Variants in NT5M observed in about 807,000 individuals in gnomAD.
The protein encoded by NT5M is 5',3'-nucleotidase, mitochondrial, also known as 5'(3')-deoxyribonucleotidase, mitochondrial.
A neutral mutation model predicts 22.2 loss-of-function variants in NT5M; 22 were observed. That is an observed-to-expected ratio of 0.99 (90% CI 0.71 to 1.41). The LOEUF (loss-of-function observed/expected upper bound fraction) is 1.41. Ranked by LOEUF, NT5M falls within the 40% of genes most tolerant of loss-of-function variation. NT5M has a pLI of 0.00. For missense variants in NT5M, 322 were observed against 314.8 expected, an observed-to-expected ratio of 1.02 and a Z score of -0.17; for synonymous variants, 167 against 133.0, an observed-to-expected ratio of 1.26 and a Z score of -1.76.
In NT5M at chr17:17,306,624, G is replaced by A. The variant is rs1426271250; in HGVS notation, c.349G>A (p.Glu117Lys). ...PLPGAVEAVK[E>K]MASLQNTDVF... ...GCCAGGGGCCGTGGAAGCTGTCAAG[G>A]AGATGGCCAGCCTACAAAAGTAAGT... Residue 117 changes from glutamate to lysine, a missense_variant, in exon 2 of 5, where the codon GAG becomes AAG. Glu to Lys is a moderately conservative substitution (Grantham distance 56). Coordinates refer to ENST00000389022, the MANE Select transcript of NT5M (RefSeq NM_020201.4). 6 of 1,613,566 alleles carry A rather than the reference G, an allele frequency of 3.7e-6. No individual in the cohort carries two copies. In the East Asian group the frequency reaches 8.9e-5, roughly 24 times the overall value.
intron 2 of NT5M, among the ~76,000 whole-genome samples, chr17:17,308,840 G>A (rs1374278346): frequency 2.0e-5 from 3 of 152,104 alleles, no homozygotes; most frequent in Non-Finnish European, 2.9e-5. Flanking sequence ...CATATAAATG[G>A]CATCATATAA....
intron 2 of NT5M, among the ~76,000 whole-genome samples, chr17:17,321,228 G>A (rs538717534): frequency 6.6e-6 from 1 of 152,208 alleles, no homozygotes; most frequent in South Asian, 2.1e-4. Flanking sequence ...GCATTCGGGA[G>A]GTGCCAGCAT....
chr17:17,306,817 C>A (rs1196672734), intron 2 of NT5M, among the ~76,000 whole-genome samples, 174 bp downstream of exon 2: 1 of 152,212 alleles, frequency 6.6e-6, no homozygotes, highest in Non-Finnish European at 1.5e-5. Context: ...ATACAATGAT[C>A]TCGGTTTGTA....
In NT5M at chr17:17,319,978, G is replaced by A. The variant is rs143856206; in HGVS notation, c.369-3207G>A. 2.4e-3 allele frequency among the ~76,000 whole-genome samples: 365 copies of A among 152,264 alleles called. 2 individuals carry two copies. Among genetic ancestry groups the A allele is most frequent in the Non-Finnish European group, 4.2e-3 (285 of 68,008 alleles). On this transcript the variant is annotated intron_variant, in intron 2 of 4. Coordinates refer to ENST00000389022, the MANE Select transcript of NT5M (RefSeq NM_020201.4). Reference sequence around the variant, plus strand: ...CTGCCTCAGCCTCCCGAGTAGCTGGGACTACAGGTGCTCATCACCACGTCC... The same window carrying A: ...CTGCCTCAGCCTCCCGAGTAGCTGGAACTACAGGTGCTCATCACCACGTCC...
chr17:17,344,669 CA>C (rs2142387590), intron 3 of NT5M, 124 bp from the exon 4 acceptor site: 3 of 1,187,168 alleles, frequency 2.5e-6, no homozygotes, highest in Non-Finnish European at 2.4e-6. Flanking sequence ...GCCTTGGTGT[CA>C]GGCCTCCATC....
At position 17,346,810 on chromosome 17, in the gene NT5M, G is replaced by A. The variant is rs373627393; in HGVS notation, c.550G>A (p.Glu184Lys). Residue 184 changes from glutamate to lysine, a missense_variant, in exon 5 of 5, where the codon GAG (glutamate) becomes AAG (lysine). Coordinates refer to ENST00000389022, the MANE Select transcript of NT5M (RefSeq NM_020201.4). ...TGCCGCTTTCCCACCCACAGGGGCC[G>A]AGCCAACCCCCAGCTGGGAGCATGT... ...IDDRPDITGAEPTPSWEHVLF... is the reference protein window; with the variant it reads ...IDDRPDITGAKPTPSWEHVLF... 38 of 1,607,164 alleles carry A rather than the reference G, an allele frequency of 2.4e-5. No homozygotes were observed. The African/African-American group carries it at 3.7e-4, about 16-fold the overall frequency.
Position 17,303,402 on chromosome 17 carries a change from C to G in NT5M, c.-149C>G, listed in dbSNP as rs111471616. On this transcript the variant is annotated 5_prime_UTR_variant, in exon 1 of 5. Coordinates refer to ENST00000389022, the MANE Select transcript of NT5M (RefSeq NM_020201.4). ...TGGGGCCGGTACTTGCGCGCCCGCA[C>G]CCCGCGCTCCCCGCCCCGCTCCCCG... 0.046 allele frequency: 43,469 copies of G among 942,124 alleles called. 1,074 individuals are homozygous for G. The highest frequency in any genetic ancestry group is 0.089 in the South Asian group (1,805 of 20,268). The allele number at this position is 942,124 out of a possible 1,614,324, so 58.4% of individuals were successfully genotyped here. A position where few individuals can be genotyped will look rare whatever the true frequency, so the allele number is the denominator to read the frequency against.
At position 17,306,747 on chromosome 17, in the gene NT5M, C is replaced by T. The variant is rs925606287; in HGVS notation, c.368+104C>T. 2.8e-5 allele frequency: 23 copies of T among 824,412 alleles called. No individual in the cohort carries two copies. The Admixed American group carries it at 4.6e-4, about 17-fold the overall frequency. 51.1% of individuals were successfully genotyped at this position (824,412 alleles called of 1,614,324 possible). On this transcript the variant is annotated intron_variant, in intron 2 of 4. Coordinates refer to ENST00000389022, the MANE Select transcript of NT5M (RefSeq NM_020201.4). The stretch of plus-strand genomic sequence containing the variant: ...TCCTCTGCCTTCTCCTTTCTCTCTC[C>T]TTGGCCCTGCGCAAGGCTGCACTTG...
intron 3 of NT5M, among the ~76,000 whole-genome samples, chr17:17,329,099 T>C (rs1297439790): frequency 6.6e-6 from 1 of 152,156 alleles, no homozygotes; most frequent in Non-Finnish European, 1.5e-5. Flanking sequence ...TGCCTCAGCC[T>C]CCCGAGTAGC....
intron 2 of NT5M, among the ~76,000 whole-genome samples, chr17:17,313,564 A>G (rs1002512126): frequency 2.0e-5 from 3 of 152,184 alleles, no homozygotes; most frequent in Non-Finnish European, 4.4e-5. Flanking sequence ...AGCAGCAGAG[A>G]CCAAGGCTGA....
intron 2 of NT5M, among the ~76,000 whole-genome samples, chr17:17,315,755 T>G (rs1002695905): frequency 4.7e-5 from 4 of 85,708 alleles, no homozygotes; most frequent in Non-Finnish European, 9.9e-5. Flanking sequence ...TTTTTTTGTT[T>G]TTTTTTTTTT....
At chr17:17,323,142 A>G (rs764426367) in intron 2 of NT5M, 43 bp from the exon 3 acceptor site, 6 of 1,564,424 alleles carry the variant, frequency 3.8e-6, no homozygotes, top group African/African-American at 1.4e-5. Context: ...GGGGTGGTGA[A>G]GTCATGGGGC....
Position 17,346,898 on chromosome 17 carries a change from C to T in NT5M, c.638C>T (p.Ser213Leu), listed in dbSNP as rs748906204. Residue 213 changes from serine to leucine, a missense_variant, in exon 5 of 5, where the codon TCG (serine) becomes TTG (leucine). Physicochemically the swap from Ser to Leu is moderately radical, Grantham distance 145. Coordinates refer to ENST00000389022, the MANE Select transcript of NT5M (RefSeq NM_020201.4). The part of the protein sequence containing the change: ...QLQPPRRRLH[S>L]WADDWKAILD... ...CAGCCCCCCCGCCGCAGGCTGCACT[C>T]GTGGGCGGACGACTGGAAGGCCATT... 18 of 1,610,950 alleles carry T rather than the reference C, an allele frequency of 1.1e-5. No homozygotes were observed. Among genetic ancestry groups the T allele is most frequent in the African/African-American group, 2.7e-5 (2 of 74,932 alleles).
chr17:17,304,170 G>A (rs1018259453), intron 1 of NT5M, among the ~76,000 whole-genome samples: 3 of 152,126 alleles, frequency 2.0e-5, no homozygotes, highest in East Asian at 3.8e-4. Flanking sequence ...CACCCCGACC[G>A]CAGTCACATT....
chr17:17,336,064 G>A (rs1248932907), intron 3 of NT5M, among the ~76,000 whole-genome samples: 21 of 145,826 alleles, frequency 1.4e-4, no homozygotes, highest in African/African-American at 4.3e-4. Flanking sequence ...GTGCAGTGGC[G>A]CGATCTTAGC....
At chr17:17,326,608 T>A (rs566622440) in intron 3 of NT5M, among the ~76,000 whole-genome samples, 1 of 152,302 alleles carries the variant, frequency 6.6e-6, no homozygotes, top group South Asian at 2.1e-4. Context: ...AAGCGCCCTT[T>A]CTCCATCCTT....
At chr17:17,303,999 A>G in intron 1 of NT5M, 182 bp downstream of exon 1, 1 of 1,241,190 alleles carries the variant, frequency 8.1e-7, no homozygotes, top group Non-Finnish European at 1.0e-6. Flanking sequence ...CGCGCTCAGG[A>G]TCTGTTGGCT....
At chr17:17,310,688 A>T (rs2048904419) in intron 2 of NT5M, among the ~76,000 whole-genome samples, 1 of 149,176 alleles carries the variant, frequency 6.7e-6, no homozygotes, top group Non-Finnish European at 1.5e-5. Flanking sequence ...ATACAACAAA[A>T]ATAGCCAGGC....
At chr17:17,323,036 G>A (rs1422367137) in intron 2 of NT5M, 149 bp from the exon 3 acceptor site, 1 of 741,918 alleles carries the variant, frequency 1.3e-6, no homozygotes, top group East Asian at 2.5e-5. Context: ...CCTCTGGTGT[G>A]GATATAGTAC....
Sources: gnomAD v4.1 joint callset for allele counts (sites outside exome capture counted in the v4.1 genomes callset) on GRCh38, gnomAD v4.1.1 for gene constraint, MANE v1.5 for transcripts, NCBI Gene and HGNC (gene_info 2026-07-23, HGNC 2026-07-21) for gene names.